DKK2: variants seen among roughly 807,000 people sequenced by gnomAD.
The protein encoded by DKK2 is dickkopf-related protein 2.
In DKK2, 11 loss-of-function variants were observed where a neutral mutation model predicts 28.1. The observed-to-expected ratio is 0.39, with a 90% CI of 0.25 to 0.65. The LOEUF (loss-of-function observed/expected upper bound fraction) is 0.65. Among genes scored for constraint, DKK2 ranks in the 30% least tolerant of loss-of-function variants. The pLI is 0.47. For synonymous variants in DKK2, 135 were observed against 126.5 expected (o/e 1.07, Z -0.45); for missense variants, 326 against 335.5 (o/e 0.97, Z 0.22).
intron 1 of DKK2, among the ~76,000 whole-genome samples, chr4:106,941,149 C>T (rs1000513538): frequency 6.6e-6 from 1 of 151,672 alleles, no homozygotes; most frequent in Non-Finnish European, 1.5e-5. Flanking sequence ...TAAAAAAAAG[C>T]ATGACAAGGA....
At chr4:106,954,530 T>C (rs182850227) in intron 1 of DKK2, among the ~76,000 whole-genome samples, 29 of 152,320 alleles carry the variant, frequency 1.9e-4, no homozygotes, top group Admixed American at 3.9e-4. Context: ...TCTTTTCTTT[T>C]TTTTGTTTTG....
rs183671712 is a variant in DKK2 at position 107,025,864 on chromosome 4, G to A, written c.222+9506C>T. ...TCTACGTATAATTTATCTCCCACCA[G>A]GTAGTTAATAAATTTAAGGCAACTG... is the stretch of plus-strand genomic sequence containing the variant. On this transcript the variant is annotated intron_variant, in intron 1 of 3. Coordinates refer to ENST00000285311, the MANE Select transcript of DKK2 (RefSeq NM_014421.3). Among the ~76,000 whole-genome samples, 307 of 152,246 alleles carry A rather than the reference G, an allele frequency of 2.0e-3. 4 individuals carry two copies. The highest frequency in any genetic ancestry group is 7.2e-3 in the African/African-American group (299 of 41,544).
chr4:106,969,743 C>T (rs771570243), intron 1 of DKK2, among the ~76,000 whole-genome samples: 2 of 151,950 alleles, frequency 1.3e-5, no homozygotes, highest in Non-Finnish European at 2.9e-5. Flanking sequence ...TAACTGGTGG[C>T]AGCAAAAGGA....
At chr4:107,017,423 T>A (rs929956246) in intron 1 of DKK2, among the ~76,000 whole-genome samples, 1 of 151,962 alleles carries the variant, frequency 6.6e-6, no homozygotes, top group Admixed American at 6.6e-5. Flanking sequence ...GTTTTACTAA[T>A]TGAGACAATT....
In DKK2 at chr4:106,944,173, T is replaced by A. The variant is rs1724743653; in HGVS notation, c.223-18224A>T. Among the ~76,000 whole-genome samples, 3 of 152,180 alleles carry A rather than the reference T, an allele frequency of 2.0e-5. No individual in the cohort carries two copies. The South Asian group carries it at 6.2e-4, about 32-fold the overall frequency. On this transcript the variant is annotated intron_variant, in intron 1 of 3. Transcript: ENST00000285311. Reference sequence around the variant, plus strand: ...TCTTGATACACTTTAGTCACAGCAATATAGCAACCAGTACCTAACAAGTAA... The same window carrying A: ...TCTTGATACACTTTAGTCACAGCAAAATAGCAACCAGTACCTAACAAGTAA...
intron 1 of DKK2, among the ~76,000 whole-genome samples, chr4:106,979,976 A>G (rs1301362567): frequency 1.3e-5 from 2 of 152,216 alleles, no homozygotes; most frequent in African/African-American, 4.8e-5. Flanking sequence ...TTACTCATTC[A>G]CAAACATACA....
rs867775987 is a variant in DKK2 at position 106,989,230 on chromosome 4, T to C, written c.222+46140A>G. Among the ~76,000 whole-genome samples the C allele has an allele frequency of 5.3e-5, 8 of 152,274 alleles. 1 individual carries two copies. In the Middle Eastern group the frequency reaches 0.01, roughly 194 times the overall value. Reference sequence around the variant, plus strand: ...ATCAGTATCTAGTAAAACCAACAACTTTCTCCCATAAATTGTGTTTAAAAT... The same window carrying C: ...ATCAGTATCTAGTAAAACCAACAACCTTCTCCCATAAATTGTGTTTAAAAT... On this transcript the variant is annotated intron_variant, in intron 1 of 3. Transcript: ENST00000285311.
At chr4:106,949,836 T>C (rs1724832177) in intron 1 of DKK2, among the ~76,000 whole-genome samples, 1 of 152,198 alleles carries the variant, frequency 6.6e-6, no homozygotes, top group Admixed American at 6.5e-5. Flanking sequence ...TTTTGTTGTG[T>C]CTATCTATTA....
chr4:107,025,203 GA>G (rs1182641581), intron 1 of DKK2, among the ~76,000 whole-genome samples: 1 of 152,170 alleles, frequency 6.6e-6, no homozygotes, highest in African/African-American at 2.4e-5. Context: ...AGCTGATTCT[GA>G]GACAGTGTCT....
intron 1 of DKK2, among the ~76,000 whole-genome samples, chr4:107,009,632 T>C (rs960129356): frequency 6.6e-6 from 1 of 151,880 alleles, no homozygotes; most frequent in African/African-American, 2.4e-5. Flanking sequence ...TGAAATTTTA[T>C]TTCAGAATAA....
intron 1 of DKK2, among the ~76,000 whole-genome samples, chr4:106,981,449 G>A (rs1308161348): frequency 6.6e-6 from 1 of 152,142 alleles, no homozygotes; most frequent in Admixed American, 6.5e-5. Flanking sequence ...CTATGGTTGA[G>A]TATAGCATCT....
chr4:106,924,434 G>C (rs1724395564), intron 3 of DKK2, 111 bp downstream of exon 3: 3 of 1,374,660 alleles, frequency 2.2e-6, no homozygotes, highest in Admixed American at 2.2e-5. Context: ...TGACTAGCTA[G>C]GATTAAAGAA....
intron 1 of DKK2, among the ~76,000 whole-genome samples, chr4:106,974,711 T>C (rs979102506): frequency 6.6e-6 from 1 of 152,224 alleles, no homozygotes; most frequent in Non-Finnish European, 1.5e-5. Flanking sequence ...ACTTCCTCTC[T>C]TCCTATTTGA....
At chr4:106,994,493 A>ACACACACACACATGTACAC (rs1468984828) in intron 1 of DKK2, among the ~76,000 whole-genome samples, 8 of 132,288 alleles carry the variant, frequency 6.0e-5, no homozygotes, top group African/African-American at 2.4e-4. Flanking sequence ...CATGTACACC[A>ACACACACACACATGTACAC]CACACACACA....
chr4:106,983,337 G>GAAGAAAGAGAAAGA, intron 1 of DKK2, among the ~76,000 whole-genome samples: 1 of 120,506 alleles, frequency 8.3e-6, no homozygotes, highest in African/African-American at 3.1e-5. Flanking sequence ...AGGAAGAAAG[G>GAAGAAAGAGAAAGA]AAGAAAGAAA....
At chr4:107,012,678 T>C (rs1723533401) in intron 1 of DKK2, among the ~76,000 whole-genome samples, 1 of 151,286 alleles carries the variant, frequency 6.6e-6, no homozygotes, top group African/African-American at 2.4e-5. Flanking sequence ...GTAAAAGCTT[T>C]AACTGCATTC....
At chr4:107,027,816 A>G (rs1723811746) in intron 1 of DKK2, among the ~76,000 whole-genome samples, 1 of 146,960 alleles carries the variant, frequency 6.8e-6, no homozygotes, top group Admixed American at 7.3e-5. Context: ...CAGTGGCGCG[A>G]TCTCGGCTCA....
chr4:107,019,199 A>G (rs919704736), intron 1 of DKK2, among the ~76,000 whole-genome samples: 13 of 151,998 alleles, frequency 8.6e-5, no homozygotes, highest in Non-Finnish European at 1.8e-4. Context: ...GAAAAAACCA[A>G]TCTCATTCAC....
chr4:107,029,216 G>C (rs1369064516), intron 1 of DKK2, among the ~76,000 whole-genome samples: 2 of 152,060 alleles, frequency 1.3e-5, no homozygotes, highest in Admixed American at 6.5e-5. Flanking sequence ...GAAGAGTAAG[G>C]GTTCATGTTC....
Sources: gnomAD v4.1 joint callset for allele counts (sites outside exome capture counted in the v4.1 genomes callset) on GRCh38, gnomAD v4.1.1 for gene constraint, MANE v1.5 for transcripts, NCBI Gene and HGNC (gene_info 2026-07-23, HGNC 2026-07-21) for gene names.